GNAQ: variants seen among roughly 807,000 people sequenced by gnomAD.
GNAQ encodes G protein subunit alpha q.
In GNAQ, 8 loss-of-function variants were observed where a neutral mutation model predicts 43.9. The ratio of observed to expected loss-of-function variants is 0.18; its 90% CI spans 0.11 to 0.33. The LOEUF (loss-of-function observed/expected upper bound fraction) is 0.33. GNAQ is among the 10% of genes least tolerant of loss of function. The pLI is 1.00. For missense variants in GNAQ, 158 were observed against 450.8 expected (o/e 0.35, Z 5.88); for synonymous variants, 155 against 170.7 (o/e 0.91, Z 0.71).
chr9:77,897,839 C>A (rs183328910), intron 2 of GNAQ, among the ~76,000 whole-genome samples: 87 of 151,640 alleles, frequency 5.7e-4, no homozygotes, highest in African/African-American at 1.9e-3. Flanking sequence ...TGCTCCCCCA[C>A]ATCAGTCATT....
At chr9:77,978,699 GTTCTC>G (rs1390037714) in intron 1 of GNAQ, among the ~76,000 whole-genome samples, 5 of 152,078 alleles carry the variant, frequency 3.3e-5, no homozygotes, top group Non-Finnish European at 5.9e-5. Context: ...AGTCAAATGG[GTTCTC>G]TTTTCTTACA....
At chr9:77,951,014 A>G (rs1822968429) in intron 1 of GNAQ, among the ~76,000 whole-genome samples, 1 of 151,640 alleles carries the variant, frequency 6.6e-6, no homozygotes, top group African/African-American at 2.4e-5. Context: ...GCCAAGATGT[A>G]TATCCTGTAT....
chr9:78,029,221 G>A (rs1786642855), intron 1 of GNAQ, among the ~76,000 whole-genome samples: 1 of 151,922 alleles, frequency 6.6e-6, no homozygotes, highest in Admixed American at 6.6e-5. Context: ...GGCAAATAGG[G>A]TTGGCTGGAG....
chr9:77,991,430 T>A (rs143963070), intron 1 of GNAQ, among the ~76,000 whole-genome samples: 1 of 152,168 alleles, frequency 6.6e-6, no homozygotes, highest in Admixed American at 6.5e-5. Context: ...AGTCCTTAAT[T>A]AGAACCAGTA....
intron 5 of GNAQ, among the ~76,000 whole-genome samples, chr9:77,734,155 C>T (rs567597181): frequency 6.2e-4 from 94 of 152,336 alleles, no homozygotes; most frequent in African/African-American, 1.9e-3. Flanking sequence ...TGGTGCTTCC[C>T]TCTGTCAAAA....
At chr9:78,016,468 G>A (rs1245389723) in intron 1 of GNAQ, among the ~76,000 whole-genome samples, 2 of 152,082 alleles carry the variant, frequency 1.3e-5, no homozygotes, top group East Asian at 1.9e-4. Flanking sequence ...GGCGGATCAC[G>A]AGGCCAGGAG....
chr9:77,800,753 A>T (rs1826731810), intron 3 of GNAQ, among the ~76,000 whole-genome samples: 1 of 152,218 alleles, frequency 6.6e-6, no homozygotes, highest in Non-Finnish European at 1.5e-5. Context: ...AAATCAAGTA[A>T]TTCAAAACAA....
At chr9:77,867,914 A>G (rs1827974275) in intron 2 of GNAQ, among the ~76,000 whole-genome samples, 2 of 152,248 alleles carry the variant, frequency 1.3e-5, no homozygotes, top group African/African-American at 2.4e-5. Flanking sequence ...AGAAGAACTC[A>G]AATATGCTAT....
intron 2 of GNAQ, among the ~76,000 whole-genome samples, chr9:77,900,865 G>A (rs1828597402): frequency 6.6e-6 from 1 of 152,056 alleles, no homozygotes; most frequent in East Asian, 1.9e-4. Context: ...TTCTCTGCTT[G>A]CTCCCAACAG....
chr9:77,903,932 TAAAAC>T (rs71360665), intron 2 of GNAQ, among the ~76,000 whole-genome samples: 86,250 of 151,238 alleles, frequency 0.57, 26,606 homozygotes, highest in South Asian at 0.71. Context: ...AGGGAAACCC[TAAAAC>T]AAAACACACA....
At chr9:77,892,790 A>T (rs981539063) in intron 2 of GNAQ, among the ~76,000 whole-genome samples, 9 of 152,202 alleles carry the variant, frequency 5.9e-5, no homozygotes, top group African/African-American at 2.2e-4. Flanking sequence ...ACACTGAATG[A>T]TCCCTTTTGG....
At chr9:77,883,917 C>T (rs1347068634) in intron 2 of GNAQ, among the ~76,000 whole-genome samples, 1 of 152,198 alleles carries the variant, frequency 6.6e-6, no homozygotes, top group Non-Finnish European at 1.5e-5. Context: ...AACACTGTCA[C>T]AGGCTCTCAA....
chr9:77,876,540 C>T (rs1324267123), intron 2 of GNAQ, among the ~76,000 whole-genome samples: 1 of 152,178 alleles, frequency 6.6e-6, no homozygotes, highest in Non-Finnish European at 1.5e-5. Flanking sequence ...CTGTTTTAAC[C>T]CTAAAATGAG....
At chr9:77,881,728 G>C (rs1011045974) in intron 2 of GNAQ, among the ~76,000 whole-genome samples, 3 of 152,202 alleles carry the variant, frequency 2.0e-5, no homozygotes, top group African/African-American at 7.2e-5. Context: ...CAGTCAATCT[G>C]TGTTCTGCCC....
chr9:78,012,743 C>T (rs1461578662), intron 1 of GNAQ, among the ~76,000 whole-genome samples: 1 of 152,036 alleles, frequency 6.6e-6, no homozygotes, highest in Non-Finnish European at 1.5e-5. Flanking sequence ...TACACAATTT[C>T]TCAAGGAAAA....
At chr9:77,983,558 C>T (rs1167024298) in intron 1 of GNAQ, among the ~76,000 whole-genome samples, 2 of 152,132 alleles carry the variant, frequency 1.3e-5, no homozygotes, top group South Asian at 2.1e-4. Context: ...GTGTCTTTTA[C>T]TTCTTTCTTT....
At chr9:77,909,697 AC>A (rs889905451) in intron 2 of GNAQ, among the ~76,000 whole-genome samples, 9 of 151,372 alleles carry the variant, frequency 5.9e-5, no homozygotes, top group Non-Finnish European at 1.2e-4. Context: ...AAAAAAAAAA[AC>A]AACAACTGCA....
At chr9:77,830,823 G>C (rs1283205196) in intron 2 of GNAQ, among the ~76,000 whole-genome samples, 1 of 124,028 alleles carries the variant, frequency 8.1e-6, no homozygotes. Context: ...CAAAACCACT[G>C]TTAAGGTGTT....
At chr9:78,012,454 G>A (rs938286917) in intron 1 of GNAQ, among the ~76,000 whole-genome samples, 30 of 151,874 alleles carry the variant, frequency 2.0e-4, no homozygotes, top group Admixed American at 4.6e-4. Flanking sequence ...TAATCCACCC[G>A]CCTTGGCCTC....
Sources: allele counts gnomAD v4.1 joint callset (sites outside exome capture counted in the v4.1 genomes callset), GRCh38; gene constraint gnomAD v4.1.1; transcripts MANE v1.5; gene names NCBI Gene and HGNC (gene_info 2026-07-23, HGNC 2026-07-21).